NHS: variants seen among roughly 807,000 people sequenced by gnomAD.
NHS encodes actin remodeling regulator NHS.
A neutral mutation model predicts 72.5 loss-of-function variants in NHS; 5 were observed. The ratio of observed to expected loss-of-function variants is 0.07; its 90% CI spans 0.04 to 0.14. NHS has a LOEUF of 0.14. NHS is among the 10% of genes least tolerant of loss of function. The pLI, the probability that NHS is intolerant of heterozygous loss-of-function variation, is 1.00. For synonymous variants in NHS, 464 were observed against 547.7 expected (o/e 0.85, Z 2.13); for missense variants, 1,072 against 1,355.7 (o/e 0.79, Z 3.29).
Position 17,375,847 on chromosome X carries a change from C to A in NHS, c.90C>A (p.Gly30=), listed in dbSNP as rs1159833129. ...APGPAVDASG[G]SAEPPPPLQP... ...GCCCAGCAGTGGACGCGAGCGGAGG[C>A]AGCGCTGAGCCGCCGCCGCCCTTGC... is the stretch of plus-strand genomic sequence containing the variant. Residue 30 remains glycine (G), a synonymous_variant, in exon 1 of 9, where the codon GGC becomes GGA. Transcript: ENST00000676302. 10 of 1,132,047 alleles carry A rather than the reference C, an allele frequency of 8.8e-6. No individual in the cohort carries two copies. Among genetic ancestry groups the A allele is most frequent in the Non-Finnish European group, 1.2e-5 (10 of 863,660 alleles). 93.3% of individuals were successfully genotyped at this position (1,132,047 alleles called of 1,213,427 possible).
intron 1 of NHS, among the ~76,000 whole-genome samples, chrX:17,395,711 A>G (rs2064471760): frequency 8.9e-6 from 1 of 112,344 alleles, no homozygotes; most frequent in South Asian, 3.7e-4. Flanking sequence ...GTAATTTTAG[A>G]CACTACTGAT....
rs776382788 is a variant in NHS, at chrX:17,721,566, G to T, written c.1041G>T (p.Thr347=). 1.7e-6 allele frequency: 2 copies of T among 1,211,199 alleles called. No homozygotes were observed. The highest frequency in any genetic ancestry group is 3.0e-5 in the East Asian group (1 of 33,813). Residue 347 remains threonine, a synonymous_variant, in exon 5 of 9, where the codon ACG becomes ACT. Transcript: ENST00000676302. The stretch of plus-strand genomic sequence containing the variant: ...GGAGCAAAGCACTACCTCTCCCGAC[G>T]CCAGAGGAGAAGATGAAACAAGATG... ...TNWSKALPLP[T]PEEKMKQDAQ...
intron 1 of NHS, among the ~76,000 whole-genome samples, chrX:17,564,802 C>T (rs778693473): frequency 5.4e-5 from 6 of 111,413 alleles, no homozygotes; most frequent in Admixed American, 1.9e-4. Flanking sequence ...TGAAACTCCC[C>T]CAAATTGTGA....
rs766517923 is a variant in NHS, at chrX:17,500,281, T to C, written c.565+123959T>C. On this transcript the variant is annotated intron_variant, in intron 1 of 8. Transcript: ENST00000676302. ...CTAGAGATGATTCACAAGCTGGGGC[T>C]TTAAGGCATGGAGAACAAACAGTAG... is the stretch of plus-strand genomic sequence containing the variant. 2.7e-5 allele frequency among the ~76,000 whole-genome samples: 3 copies of C among 112,205 alleles called. No individual in the cohort carries two copies. In the South Asian group the frequency reaches 1.1e-3, roughly 42 times the overall value.
intron 6 of NHS, 75 bp downstream of exon 6, chrX:17,724,505 T>G: frequency 8.6e-7 from 1 of 1,157,592 alleles, no homozygotes; most frequent in Non-Finnish European, 1.2e-6. Flanking sequence ...AATAGAAAAA[T>G]GATTAAACAT....
In NHS at chrX:17,577,930, C is replaced by G. The variant is rs2065520503; in HGVS notation, c.566-109812C>G. On this transcript the variant is annotated intron_variant, in intron 1 of 8. Coordinates refer to ENST00000676302, the MANE Select transcript of NHS (RefSeq NM_001291867.2). ...AATGTTTCTAAGGACTCCTCCAGTA[C>G]TATAGTTCTGCAGTTTAATAGAACA... Among the ~76,000 whole-genome samples, 5 of 112,046 alleles carry G rather than the reference C, an allele frequency of 4.5e-5. No individual in the cohort carries two copies. In the South Asian group the frequency reaches 1.9e-3, roughly 42 times the overall value.
Position 17,732,224 on chromosome X carries a change from A to G in NHS, c.4716A>G (p.Ala1572=), listed in dbSNP as rs1447543923. The change falls in exon 9 of 9, where the codon GCA becomes GCG. Residue 1572 remains alanine, a synonymous_variant. Transcript: ENST00000676302. ...ATCAGGGGTCACAAGGGGCTGAGGC[A>G]TTGTCCCCACTCTCTCCATGCTCCC... ...DAHQGSQGAE[A]LSPLSPCSPR... The G allele has an allele frequency of 4.1e-6, 5 of 1,211,838 alleles. No homozygotes were observed. The highest frequency in any genetic ancestry group is 4.5e-6 in the Non-Finnish European group (4 of 895,533).
At chrX:17,406,123 C>G (rs2064528205) in intron 1 of NHS, among the ~76,000 whole-genome samples, 3 of 112,018 alleles carry the variant, frequency 2.7e-5, no homozygotes, top group Non-Finnish European at 5.6e-5. Context: ...AAAGCACTTT[C>G]CCACACCTTA....
chrX:17,728,111 T>C lies in NHS; in HGVS notation c.4005T>C (p.Asp1335=), dbSNP rs146388587. ...CAGACTCACCAACTAGAGCAACAGA[T>C]GTAAGCAATCAATTTAAGCATCAAT... is the stretch of plus-strand genomic sequence containing the variant. The part of the protein sequence containing the change: ...SQSDSPTRAT[D]VSNQFKHQFV... Residue 1335 remains aspartate, a synonymous_variant, in exon 7 of 9, where the codon GAT becomes GAC. Coordinates refer to ENST00000676302, the MANE Select transcript of NHS (RefSeq NM_001291867.2). 2 of 1,210,081 alleles carry C rather than the reference T, an allele frequency of 1.7e-6. No individual in the cohort carries two copies. The highest frequency in any genetic ancestry group is 1.1e-6 in the Non-Finnish European group (1 of 895,289).
intron 1 of NHS, among the ~76,000 whole-genome samples, chrX:17,419,344 A>AATCTG (rs1409923025): frequency 2.0e-4 from 22 of 112,490 alleles, no homozygotes; most frequent in Non-Finnish European, 7.5e-5. Flanking sequence ...GGACCTTCTG[A>AATCTG]ATCTGGACAT....
chrX:17,499,036 C>T (rs2065026017), intron 1 of NHS, among the ~76,000 whole-genome samples: 1 of 111,769 alleles, frequency 8.9e-6, no homozygotes, highest in Non-Finnish European at 1.9e-5. Flanking sequence ...AATGCCATGC[C>T]ATGAAGTTGA....
At chrX:17,409,373 T>C (rs967003828) in intron 1 of NHS, among the ~76,000 whole-genome samples, 1 of 93,796 alleles carries the variant, frequency 1.1e-5, no homozygotes, top group Non-Finnish European at 2.3e-5. Flanking sequence ...CCTTCCATTA[T>C]GTTTTTTTTT....
Position 17,719,358 on chromosome X carries a change from T to C in NHS, c.867T>C (p.Arg289=). The change falls in exon 4 of 9, where the codon CGT becomes CGC. Residue 289 remains arginine (R), a synonymous_variant. Transcript: ENST00000676302. ...CATGTTCATAGTTTAACAGCACCCG[T>C]TCGCCCTCCCCCACTGAATGTTGCC... is the stretch of plus-strand genomic sequence containing the variant. The part of the protein sequence containing the change: ...DRHFLTFNST[R]SPSPTECCHM... The C allele has an allele frequency of 8.6e-7, 1 of 1,167,353 alleles. No homozygotes were observed. The highest frequency in any genetic ancestry group is 1.1e-6 in the Non-Finnish European group (1 of 872,747).
chrX:17,573,223 C>A (rs1209635334), intron 1 of NHS, among the ~76,000 whole-genome samples: 1 of 111,544 alleles, frequency 9.0e-6, no homozygotes, highest in African/African-American at 3.3e-5. Context: ...GAATGTTGGC[C>A]TGCCTTGCTA....
At chrX:17,518,918 T>A (rs1477431814) in intron 1 of NHS, among the ~76,000 whole-genome samples, 2 of 112,186 alleles carry the variant, frequency 1.8e-5, no homozygotes, top group Non-Finnish European at 3.8e-5. Context: ...TAACTTGACT[T>A]TCCCATTTCT....
At chrX:17,455,094 T>C (rs1454712360) in intron 1 of NHS, among the ~76,000 whole-genome samples, 11 of 111,568 alleles carry the variant, frequency 9.9e-5, no homozygotes, top group African/African-American at 3.3e-4. Flanking sequence ...TTATAGGTAA[T>C]AGTGAAAAGT....
intron 3 of NHS, among the ~76,000 whole-genome samples, chrX:17,712,393 CATAT>C (rs3074204): frequency 4.9e-5 from 4 of 81,427 alleles, no homozygotes; most frequent in Admixed American, 1.4e-4. Context: ...CACACACACA[CATAT>C]ATATATATAT....
chrX:17,656,520 G>A (rs1043466101), intron 1 of NHS, among the ~76,000 whole-genome samples: 14 of 112,964 alleles, frequency 1.2e-4, no homozygotes, highest in African/African-American at 3.9e-4. Context: ...CCCCTTGGTC[G>A]AGATCTGAGA....
chrX:17,625,662 C>T (rs1057502103), intron 1 of NHS, among the ~76,000 whole-genome samples: 1 of 111,653 alleles, frequency 9.0e-6, no homozygotes, highest in Non-Finnish European at 1.9e-5. Context: ...GAGTCATTTA[C>T]GTAATTAAAA....
Sources: gnomAD v4.1 joint callset for allele counts (sites outside exome capture counted in the v4.1 genomes callset) on GRCh38, gnomAD v4.1.1 for gene constraint, MANE v1.5 for transcripts, NCBI Gene and HGNC (gene_info 2026-07-23, HGNC 2026-07-21) for gene names.